The following SCLY variants were observed in gnomAD, a reference collection of about 807,000 sequenced individuals.
SCLY encodes the protein putative selenocysteine lyase.
In SCLY, 38 loss-of-function variants were observed where a neutral mutation model predicts 50.1. The observed-to-expected ratio is 0.76, with a 90% confidence interval of 0.59 to 0.99. The LOEUF (loss-of-function observed/expected upper bound fraction) is 0.99. Among genes scored for constraint, SCLY ranks in the 50% least tolerant of loss-of-function variants. The pLI is 0.00. For missense variants in SCLY, 600 were observed against 620.0 expected (o/e 0.97, Z 0.34); for synonymous variants, 243 against 249.4 (o/e 0.97, Z 0.24).
rs1559254371 is a variant in SCLY, at chr2:238,098,577, G to GGGAACGCCCACATA, written c.*225_*226insACGCCCACATAGGA. The GGGAACGCCCACATA allele has an allele frequency of 1.9e-3, 647 of 336,934 alleles. 16 individuals carry two copies. Among genetic ancestry groups the GGGAACGCCCACATA allele is most frequent in the African/African-American group, 8.4e-3 (184 of 21,836 alleles). The allele number at this position is 336,934 out of a possible 1,614,324, so 20.9% of individuals were successfully genotyped here. On this transcript the variant is annotated 3_prime_UTR_variant, in exon 12 of 12. Transcript: ENST00000254663. ...CAACGCCGCATAGGACTGCCCACAT[G>GGGAACGCCCACATA]GGACCGCCCACATAGGACCGCCCAC...
At chr2:238,084,055 G>A (rs1042053512) in intron 7 of SCLY, among the ~76,000 whole-genome samples, 33 of 152,246 alleles carry the variant, frequency 2.2e-4, no homozygotes, top group Non-Finnish European at 4.4e-5. Context: ...TGCTACAGGG[G>A]AAATTGTGCT....
rs1253565117 is a variant in SCLY at position 238,098,743 on chromosome 2, G to GC, written c.*391dup. On this transcript the variant is annotated 3_prime_UTR_variant, in exon 12 of 12. Coordinates refer to ENST00000254663, the MANE Select transcript of SCLY (RefSeq NM_016510.7). The stretch of plus-strand genomic sequence containing the variant: ...GGAACTGGGCACGCCTGTTGTGAGT[G>GC]CCCTTTCCTGGAAGGTGTTTTTATC... 1 of 327,746 alleles carries GC rather than the reference G, an allele frequency of 3.1e-6. No homozygotes were observed. The allele number at this position is 327,746 out of a possible 1,614,324, so 20.3% of individuals were successfully genotyped here.
In SCLY at chr2:238,069,714, G is replaced by A; in HGVS notation, c.484+237G>A. ...GGTGCAGAGGCCAGCTGCCACAAGG[G>A]GGTTGGCAAGTGTGGCCAAACTTTC... is the stretch of plus-strand genomic sequence containing the variant. On this transcript the variant is annotated intron_variant, in intron 4 of 11. Transcript: ENST00000254663. This position sits in a 1 kb window ranked among gnomAD's most constrained non-coding sequence, Gnocchi z 5.0. 1 of 426,946 alleles carries A rather than the reference G, an allele frequency of 2.3e-6. No homozygotes were observed. Among genetic ancestry groups the A allele is most frequent in the African/African-American group, 2.0e-5 (1 of 49,166 alleles). 26.4% of individuals were successfully genotyped at this position (426,946 alleles called of 1,614,324 possible). A position where few individuals can be genotyped will look rare whatever the true frequency, so the allele number is the denominator to read the frequency against.
chr2:238,097,117 G>C (rs573177837), intron 11 of SCLY, among the ~76,000 whole-genome samples: 2 of 150,542 alleles, frequency 1.3e-5, no homozygotes, highest in African/African-American at 2.4e-5. Context: ...GAAGGCGGAG[G>C]GAGGGCAGGG....
In SCLY at chr2:238,082,046, C is replaced by G. The variant is rs147560427; in HGVS notation, c.614C>G (p.Pro205Arg). 36 of 1,611,884 alleles carry G rather than the reference C, an allele frequency of 2.2e-5. No individual in the cohort carries two copies. The highest frequency in any genetic ancestry group is 2.9e-5 in the Non-Finnish European group (34 of 1,178,230). ...LANNETGIVM[P>R]VPEISQRIKA... ...TCAACTGTTTCCTTTCCCCGTCAGC[C>G]TGTCCCTGAAATCAGTCAGCGCATT... is the stretch of plus-strand genomic sequence containing the variant. Residue 205 changes from proline to arginine, a missense_variant and splice_region_variant, in exon 6 of 12, where the codon CCT becomes CGT. By Grantham distance (103) the Pro-to-Arg change is moderately radical. Transcript: ENST00000254663.
intron 7 of SCLY, among the ~76,000 whole-genome samples, chr2:238,088,018 C>T (rs1016315475): frequency 3.3e-5 from 5 of 152,092 alleles, no homozygotes; most frequent in Non-Finnish European, 7.4e-5. Flanking sequence ...CTTGAGTGAG[C>T]GTGGGAGGTC....
chr2:238,096,815 G>A lies in SCLY; in HGVS notation c.1123G>A (p.Ala375Thr). The change falls in exon 11 of 12, where the codon GCG becomes ACG. Residue 375 changes from alanine (A) to threonine (T), a missense_variant. Transcript: ENST00000254663. Reference protein sequence around the residue: ...GPRLQGHVVLAQCRVLMASVG... With the variant: ...GPRLQGHVVLTQCRVLMASVG... ...TGTCTCCGCAGGCCACGTGGTGCTT[G>A]CGCAGTGCCGAGTGCTGATGGCCAG... is the stretch of plus-strand genomic sequence containing the variant. 2.5e-6 allele frequency: 4 copies of A among 1,611,310 alleles called. No individual in the cohort carries two copies. Among genetic ancestry groups the A allele is most frequent in the Non-Finnish European group, 3.4e-6 (4 of 1,179,224 alleles).
Position 238,068,154 on chromosome 2 carries a change from G to T in SCLY, c.292G>T (p.Gly98Trp). The change falls in exon 3 of 12, where the codon GGG (glycine) becomes TGG (tryptophan). Residue 98 changes from glycine (G) to tryptophan (W), a missense_variant. Gly to Trp is a radical substitution (Grantham distance 184). Transcript: ENST00000254663. The part of the protein sequence containing the change: ...GKPQDIIFTS[G>W]GTESNNLVIH... ...ACCTCAAGATATAATCTTCACTTCC[G>T]GGGGCACTGAGGTAAAGCTTCTGAA... is the stretch of plus-strand genomic sequence containing the variant. The T allele has an allele frequency of 6.2e-7, 1 of 1,606,110 alleles. No homozygotes were observed. The highest frequency in any genetic ancestry group is 8.5e-7 in the Non-Finnish European group (1 of 1,175,138).
chr2:238,091,550 C>CTCTCT, intron 8 of SCLY: 8 of 408,610 alleles, frequency 2.0e-5, no homozygotes, highest in South Asian at 7.6e-5. Context: ...GCAGGTTCAC[C>CTCTCT]ATTCCCAAAG....
At position 238,091,319 on chromosome 2, in the gene SCLY, A is replaced by G. The variant is rs531088860; in HGVS notation, c.921+65A>G. 3.8e-6 allele frequency: 5 copies of G among 1,332,524 alleles called. No homozygotes were observed. In the South Asian group the frequency reaches 5.9e-5, roughly 16 times the overall value. The allele number at this position is 1,332,524 out of a possible 1,614,324, so 82.5% of individuals were successfully genotyped here. The stretch of plus-strand genomic sequence containing the variant: ...TGTCATCAGTGTCCCCAGCGGCTCT[A>G]GTAGGAATCTGGGGCTTTAGGGAGA... On this transcript the variant is annotated intron_variant, in intron 8 of 11. Transcript: ENST00000254663.
intron 6 of SCLY, chr2:238,082,928 T>C: frequency 2.8e-6 from 1 of 351,422 alleles, no homozygotes; most frequent in Non-Finnish European, 5.8e-6. Flanking sequence ...TTCTTTTTTT[T>C]TTTTTTAAAC....
At chr2:238,068,872 G>A (rs2065100998) in intron 3 of SCLY, among the ~76,000 whole-genome samples, 1 of 152,172 alleles carries the variant, frequency 6.6e-6, no homozygotes, top group African/African-American at 2.4e-5. Context: ...CCAAGAACTA[G>A]AATTGCTGGG....
chr2:238,062,791 CAGTT>C (rs1354229299), intron 1 of SCLY, among the ~76,000 whole-genome samples: 4 of 152,256 alleles, frequency 2.6e-5, no homozygotes, highest in Non-Finnish European at 4.4e-5. Flanking sequence ...TTAACAGCCA[CAGTT>C]AGTCATTGTA....
intron 4 of SCLY, among the ~76,000 whole-genome samples, chr2:238,072,894 T>C (rs1245662711): frequency 6.6e-6 from 1 of 152,152 alleles, no homozygotes; most frequent in Non-Finnish European, 1.5e-5. Context: ...AGTCTATTTT[T>C]GTTGTTGTTG....
chr2:238,068,002 T>C, intron 2 of SCLY, 63 bp from the exon 3 acceptor site: 1 of 1,251,930 alleles, frequency 8.0e-7, no homozygotes, highest in Non-Finnish European at 1.2e-6. Context: ...TGGTTGTCCT[T>C]TTAGATGCGT....
chr2:238,081,868 G>T (rs762262721), intron 5 of SCLY, 32 bp downstream of exon 5: 9 of 1,606,990 alleles, frequency 5.6e-6, no homozygotes, highest in Non-Finnish European at 6.0e-6. Flanking sequence ...TTTAAGGAGA[G>T]CTCATGGGGA....
chr2:238,081,975 CT>C, intron 5 of SCLY, 69 bp from the exon 6 acceptor site: 1 of 1,582,858 alleles, frequency 6.3e-7, no homozygotes. Flanking sequence ...GCGCTCACTA[CT>C]CCTGATTTCT....
chr2:238,081,921 C>T (rs573634407), intron 5 of SCLY, 85 bp downstream of exon 5: 7 of 1,579,618 alleles, frequency 4.4e-6, no homozygotes, highest in African/African-American at 1.3e-5. Context: ...TTTCCCAGCT[C>T]TGGCCTCTCC....
chr2:238,094,647 G>A (rs2065406630), intron 10 of SCLY, 125 bp downstream of exon 10: 5 of 811,696 alleles, frequency 6.2e-6, no homozygotes, highest in Non-Finnish European at 1.0e-5. Context: ...GCTGTCAGAG[G>A]GCCTTGCTGG....
Sources: gnomAD v4.1 joint callset for allele counts (sites outside exome capture counted in the v4.1 genomes callset) on GRCh38, gnomAD v4.1.1 for gene constraint, Gnocchi (gnomAD v3.1) non-coding constraint, MANE v1.5 for transcripts, NCBI Gene and HGNC (gene_info 2026-07-23, HGNC 2026-07-21) for gene names.